GNAQ: variants seen among roughly 807,000 people sequenced by gnomAD.
GNAQ encodes G protein subunit alpha q.
GNAQ carries 8 observed loss-of-function variants against 43.9 expected under a neutral mutation model. That is an observed-to-expected ratio of 0.18 (90% CI 0.11 to 0.33). The LOEUF is 0.33. GNAQ is among the 10% of genes least tolerant of loss of function. The pLI, the probability that GNAQ is intolerant of heterozygous loss-of-function variation, is 1.00. For synonymous variants in GNAQ, 155 were observed against 170.7 expected, an observed-to-expected ratio of 0.91 and a Z score of 0.71; for missense variants, 158 against 450.8, an observed-to-expected ratio of 0.35 and a Z score of 5.88.
At chr9:77,948,634 T>C (rs1038981826) in intron 1 of GNAQ, among the ~76,000 whole-genome samples, 1 of 152,224 alleles carries the variant, frequency 6.6e-6, no homozygotes, top group Non-Finnish European at 1.5e-5. Flanking sequence ...ACCGCTACTG[T>C]TGACTGAACA....
intron 1 of GNAQ, among the ~76,000 whole-genome samples, chr9:77,946,402 CTA>C (rs1403774924): frequency 6.6e-6 from 1 of 152,120 alleles, no homozygotes; most frequent in African/African-American, 2.4e-5. Flanking sequence ...TTTTCCAGCT[CTA>C]TAAATACTAT....
intron 2 of GNAQ, among the ~76,000 whole-genome samples, chr9:77,897,280 A>G (rs1416656565): frequency 6.6e-6 from 1 of 152,206 alleles, no homozygotes; most frequent in Non-Finnish European, 1.5e-5. Flanking sequence ...TTTATGATGA[A>G]GCTCTATTGA....
intron 1 of GNAQ, among the ~76,000 whole-genome samples, chr9:77,930,017 C>A (rs1413505685): frequency 2.0e-5 from 3 of 152,060 alleles, no homozygotes; most frequent in Non-Finnish European, 4.4e-5. Context: ...TTGAGCAATT[C>A]TAATTTTTTG....
chr9:77,987,079 G>C (rs1029847866), intron 1 of GNAQ, among the ~76,000 whole-genome samples: 35 of 152,202 alleles, frequency 2.3e-4, no homozygotes, highest in African/African-American at 7.7e-4. Context: ...TCTTCAGTCT[G>C]GTCTGGCATT....
In GNAQ at chr9:77,717,211, T is replaced by C. The variant is rs1825239510; in HGVS notation, c.*4112A>G. Reference sequence around the variant, plus strand: ...TTTTGTGTTTCTAACCAAAGATATATCTTTGGAAGAAAATATTAATGTATA... The same window carrying C: ...TTTTGTGTTTCTAACCAAAGATATACCTTTGGAAGAAAATATTAATGTATA... On this transcript the variant is annotated 3_prime_UTR_variant, in exon 7 of 7. Coordinates refer to ENST00000286548, the MANE Select transcript of GNAQ (RefSeq NM_002072.5). 4.3e-6 allele frequency: 1 copy of C among 232,242 alleles called. No individual in the cohort carries two copies. The highest frequency in any genetic ancestry group is 8.5e-6 in the Non-Finnish European group (1 of 117,546). The allele number at this position is 232,242 out of a possible 1,614,324, so 14.4% of individuals were successfully genotyped here.
intron 1 of GNAQ, among the ~76,000 whole-genome samples, chr9:77,954,175 C>T (rs1823014820): frequency 6.6e-6 from 1 of 152,198 alleles, no homozygotes; most frequent in African/African-American, 2.4e-5. Context: ...CCATCACGTA[C>T]ACAGCATTCA....
chr9:77,923,839 G>A (rs1327607224), intron 1 of GNAQ, among the ~76,000 whole-genome samples: 2 of 151,988 alleles, frequency 1.3e-5, no homozygotes, highest in African/African-American at 4.8e-5. Flanking sequence ...AGGGAAGGAA[G>A]GAGGGAGAAA....
intron 2 of GNAQ, among the ~76,000 whole-genome samples, chr9:77,821,818 C>A (rs77760206): frequency 2.0e-5 from 3 of 150,612 alleles, no homozygotes; most frequent in South Asian, 4.2e-4. Flanking sequence ...AGAGTTTATA[C>A]AAAGTCACAG....
At chr9:77,858,000 C>A (rs935559665) in intron 2 of GNAQ, among the ~76,000 whole-genome samples, 3 of 152,026 alleles carry the variant, frequency 2.0e-5, no homozygotes, top group South Asian at 2.1e-4. Flanking sequence ...GTTCCAGTCC[C>A]TGATTTACAA....
At chr9:77,910,834 G>A (rs956775164) in intron 2 of GNAQ, among the ~76,000 whole-genome samples, 3 of 152,252 alleles carry the variant, frequency 2.0e-5, no homozygotes, top group East Asian at 3.9e-4. Flanking sequence ...TAAGAAAACT[G>A]GAATTCAGAG....
chr9:78,005,296 T>C (rs960827712), intron 1 of GNAQ, among the ~76,000 whole-genome samples: 1 of 152,278 alleles, frequency 6.6e-6, no homozygotes, highest in South Asian at 2.1e-4. Flanking sequence ...CTGCCCGCCT[T>C]GGCCTCCCAA....
At chr9:77,756,197 C>T (rs1187050111) in intron 5 of GNAQ, among the ~76,000 whole-genome samples, 2 of 152,206 alleles carry the variant, frequency 1.3e-5, no homozygotes, top group East Asian at 3.8e-4. Context: ...TAGGACCTCA[C>T]CTTGTGACTG....
chr9:77,891,353 G>A (rs1218682690), intron 2 of GNAQ, among the ~76,000 whole-genome samples: 50 of 152,078 alleles, frequency 3.3e-4, no homozygotes, highest in Non-Finnish European at 2.9e-5. Context: ...TATTTTTGTT[G>A]AATTATTTCC....
chr9:77,865,918 G>A (rs1827940482), intron 2 of GNAQ, among the ~76,000 whole-genome samples: 3 of 152,192 alleles, frequency 2.0e-5, no homozygotes, highest in Admixed American at 2.0e-4. Context: ...GATTTACTCT[G>A]TGCTGGCTAC....
intron 2 of GNAQ, among the ~76,000 whole-genome samples, chr9:77,919,313 T>C (rs553492793): frequency 1.3e-5 from 2 of 152,162 alleles, no homozygotes; most frequent in Non-Finnish European, 2.9e-5. Flanking sequence ...AATGCAAAGA[T>C]GGAACTGATG....
chr9:77,992,868 C>G (rs1380804416), intron 1 of GNAQ, among the ~76,000 whole-genome samples: 1 of 152,004 alleles, frequency 6.6e-6, no homozygotes, highest in Admixed American at 6.6e-5. Context: ...TTGCTCGAAC[C>G]CGGGAGGTGG....
chr9:77,794,388 C>A (rs1003517801), intron 5 of GNAQ, 75 bp downstream of exon 5: 1 of 1,032,512 alleles, frequency 9.7e-7, no homozygotes, highest in Admixed American at 2.5e-5. Context: ...CTCCATTCCC[C>A]ACACCCTACT....
intron 1 of GNAQ, among the ~76,000 whole-genome samples, chr9:78,015,755 A>G (rs1177038829): frequency 1.3e-5 from 2 of 152,196 alleles, no homozygotes; most frequent in Non-Finnish European, 2.9e-5. Flanking sequence ...TATATTAAAC[A>G]ATCTTGGTTC....
At chr9:77,726,973 A>G (rs1418900906) in intron 6 of GNAQ, among the ~76,000 whole-genome samples, 1 of 152,248 alleles carries the variant, frequency 6.6e-6, no homozygotes, top group Non-Finnish European at 1.5e-5. Flanking sequence ...GTGTGAAAGC[A>G]GCCATAGACA....
Sources: gnomAD v4.1 joint callset for allele counts (sites outside exome capture counted in the v4.1 genomes callset) on GRCh38, gnomAD v4.1.1 for gene constraint, MANE v1.5 for transcripts, NCBI Gene and HGNC (gene_info 2026-07-23, HGNC 2026-07-21) for gene names.